CACNA2D3: variants seen among roughly 807,000 people sequenced by gnomAD.
CACNA2D3 encodes the protein calcium voltage-gated channel auxiliary subunit alpha2delta 3, also known as voltage-dependent calcium channel subunit alpha-2/delta-3.
In CACNA2D3, 60 loss-of-function variants were observed where a neutral mutation model predicts 160.6. The observed-to-expected ratio is 0.37, with a 90% CI of 0.30 to 0.46. The LOEUF is 0.46. Ranked by LOEUF, CACNA2D3 falls within the 20% of genes least tolerant of loss-of-function variation. The probability of loss-of-function intolerance (pLI) is 1.00; values close to 1 mark genes in which losing one functional copy is unlikely to be tolerated. For synonymous variants in CACNA2D3, 558 were observed against 492.9 expected (o/e 1.13, Z -1.75); for missense variants, 1,205 against 1,365.0 (o/e 0.88, Z 1.85).
chr3:54,149,916 T>TCTCTCG (rs1700108999), intron 2 of CACNA2D3, among the ~76,000 whole-genome samples: 1 of 88,536 alleles, frequency 1.1e-5, no homozygotes, highest in African/African-American at 5.0e-5. Flanking sequence ...TCTCTCTCTC[T>TCTCTCG]CTCTCTCTCT....
chr3:54,402,007 C>A (rs1035960750), intron 4 of CACNA2D3, among the ~76,000 whole-genome samples: 2 of 151,886 alleles, frequency 1.3e-5, no homozygotes, highest in Admixed American at 1.3e-4. Context: ...TGGGAGAGGG[C>A]AAAAGTCAAG....
intron 35 of CACNA2D3, among the ~76,000 whole-genome samples, chr3:55,060,579 G>A (rs528163006): frequency 6.6e-6 from 1 of 152,122 alleles, no homozygotes; most frequent in African/African-American, 2.4e-5. Flanking sequence ...GATTAAAGGG[G>A]AACTGCTTAG....
chr3:54,197,151 C>T (rs1260262854), intron 2 of CACNA2D3, among the ~76,000 whole-genome samples: 2 of 152,084 alleles, frequency 1.3e-5, no homozygotes, highest in East Asian at 1.9e-4. Flanking sequence ...ATGCAATGCT[C>T]CTGCCTCATC....
At chr3:54,948,466 A>G (rs866164488) in intron 27 of CACNA2D3, among the ~76,000 whole-genome samples, 12 of 152,234 alleles carry the variant, frequency 7.9e-5, no homozygotes, top group South Asian at 6.2e-4. Flanking sequence ...GAGCAGTTCA[A>G]TGGCCTATGT....
chr3:54,983,949 G>A (rs1702559278), intron 29 of CACNA2D3, among the ~76,000 whole-genome samples: 1 of 152,110 alleles, frequency 6.6e-6, no homozygotes, highest in African/African-American at 2.4e-5. Flanking sequence ...GCAGAGGTTT[G>A]GGCTTACCTT....
intron 17 of CACNA2D3, among the ~76,000 whole-genome samples, chr3:54,855,100 C>T (rs1660901705): frequency 1.3e-5 from 2 of 152,170 alleles, no homozygotes; most frequent in African/African-American, 4.8e-5. Context: ...ACAGCATCCC[C>T]CTGGCCCTAG....
At chr3:54,229,230 C>T (rs959914740) in intron 2 of CACNA2D3, among the ~76,000 whole-genome samples, 4 of 150,922 alleles carry the variant, frequency 2.7e-5, no homozygotes, top group South Asian at 2.1e-4. Context: ...CTCGCTCTGT[C>T]GCCCAGGCTG....
intron 9 of CACNA2D3, among the ~76,000 whole-genome samples, chr3:54,604,345 AC>A (rs2106778541): frequency 6.6e-6 from 1 of 152,212 alleles, no homozygotes; most frequent in Admixed American, 6.5e-5. Context: ...TTAGACCCAG[AC>A]TTTAGACCCC....
At chr3:54,165,083 G>A (rs866307849) in intron 2 of CACNA2D3, among the ~76,000 whole-genome samples, 16 of 150,346 alleles carry the variant, frequency 1.1e-4, no homozygotes, top group East Asian at 2.0e-4. Flanking sequence ...CTAAGTAAAT[G>A]TGGGCAGAAT....
In CACNA2D3 at chr3:54,564,244, TAAAC is replaced by T. The variant is rs201447137; in HGVS notation, c.676+1314_676+1317del. On this transcript the variant is annotated intron_variant, in intron 6 of 37. Coordinates refer to ENST00000474759, the MANE Select transcript of CACNA2D3 (RefSeq NM_018398.3). The stretch of plus-strand genomic sequence containing the variant: ...GTTGTCTCCTCCAACAGGGAGTCCT[TAAAC>T]TATGGTCACGAGGACATTTGAAAAT... 1.1e-4 allele frequency among the ~76,000 whole-genome samples: 16 copies of T among 152,336 alleles called. No homozygotes were observed. In the East Asian group the frequency reaches 2.7e-3, roughly 26 times the overall value.
intron 11 of CACNA2D3, among the ~76,000 whole-genome samples, chr3:54,709,156 C>T (rs1272039791): frequency 6.6e-6 from 1 of 151,446 alleles, no homozygotes; most frequent in Non-Finnish European, 1.5e-5. Flanking sequence ...ACTACAGGTG[C>T]ACACCACCAT....
intron 14 of CACNA2D3, among the ~76,000 whole-genome samples, chr3:54,819,356 C>G (rs1301457749): frequency 6.6e-6 from 1 of 152,194 alleles, no homozygotes; most frequent in Non-Finnish European, 1.5e-5. Flanking sequence ...GGTAGACCCT[C>G]AAAATATAGA....
At chr3:54,260,222 A>G (rs761993496) in intron 2 of CACNA2D3, among the ~76,000 whole-genome samples, 6 of 152,168 alleles carry the variant, frequency 3.9e-5, no homozygotes, top group Non-Finnish European at 8.8e-5. Flanking sequence ...GACCCCTAGA[A>G]TTGACTGCCT....
At chr3:54,598,694 A>G (rs1703006917) in intron 9 of CACNA2D3, among the ~76,000 whole-genome samples, 1 of 152,232 alleles carries the variant, frequency 6.6e-6, no homozygotes, top group South Asian at 2.1e-4. Flanking sequence ...GGAAACACCC[A>G]AACCACTAAG....
chr3:54,483,475 C>T (rs1246754751), intron 4 of CACNA2D3, among the ~76,000 whole-genome samples: 12 of 152,116 alleles, frequency 7.9e-5, no homozygotes, highest in Non-Finnish European at 1.2e-4. Context: ...AGCAGTTCCC[C>T]GATCTGTATT....
intron 11 of CACNA2D3, among the ~76,000 whole-genome samples, chr3:54,745,539 G>A (rs1296337163): frequency 1.3e-5 from 2 of 152,158 alleles, no homozygotes; most frequent in Non-Finnish European, 2.9e-5. Context: ...CCAAAGACAT[G>A]GTTAATACAC....
At chr3:54,637,141 G>T (rs1699393374) in intron 10 of CACNA2D3, among the ~76,000 whole-genome samples, 1 of 151,980 alleles carries the variant, frequency 6.6e-6, no homozygotes, top group South Asian at 2.1e-4. Flanking sequence ...TGGGGGAATT[G>T]TAAGGGGAGT....
At chr3:54,749,275 G>A (rs1312583255) in intron 11 of CACNA2D3, among the ~76,000 whole-genome samples, 1 of 152,206 alleles carries the variant, frequency 6.6e-6, no homozygotes, top group East Asian at 1.9e-4. Context: ...GGACATAGCT[G>A]CTGGGTAGCC....
In CACNA2D3 at chr3:55,053,327, A is replaced by G. The variant is rs1704275404; in HGVS notation, c.2988-20118A>G. Among the ~76,000 whole-genome samples, 3 of 152,094 alleles carry G rather than the reference A, an allele frequency of 2.0e-5. No individual in the cohort carries two copies. In the South Asian group the frequency reaches 6.2e-4, roughly 32 times the overall value. ...TGAGATTCACCATGTTGTGTAGTTA[A>G]TAGTTTATTCCTTACTCTGATAGGA... On this transcript the variant is annotated intron_variant, in intron 35 of 37. Coordinates refer to ENST00000474759, the MANE Select transcript of CACNA2D3 (RefSeq NM_018398.3).
Sources: allele counts gnomAD v4.1 joint callset (sites outside exome capture counted in the v4.1 genomes callset), GRCh38; gene constraint gnomAD v4.1.1; transcripts MANE v1.5; gene names NCBI Gene and HGNC (gene_info 2026-07-23, HGNC 2026-07-21).